Variants in NRXN1 observed in about 807,000 individuals in gnomAD.
NRXN1 encodes the protein neurexin-1.
A neutral mutation model predicts 150.9 loss-of-function variants in NRXN1; 39 were observed. The observed-to-expected ratio is 0.26, with a 90% CI of 0.20 to 0.34. NRXN1 has a LOEUF of 0.34. Among genes scored for constraint, NRXN1 ranks in the 10% least tolerant of loss-of-function variants. The pLI, the probability that NRXN1 is intolerant of heterozygous loss-of-function variation, is 1.00. For missense variants in NRXN1, 1,815 were observed against 1,949.9 expected (o/e 0.93, Z 1.30); for synonymous variants, 924 against 757.0 (o/e 1.22, Z -3.62).
chr2:50,140,909 T>C (rs1002609914), intron 18 of NRXN1, among the ~76,000 whole-genome samples: 1 of 151,354 alleles, frequency 6.6e-6, no homozygotes, highest in Non-Finnish European at 1.5e-5. Flanking sequence ...TGTGTGTGTA[T>C]ATATATATAT....
chr2:50,245,207 T>C (rs936234738), intron 17 of NRXN1, among the ~76,000 whole-genome samples: 12 of 151,932 alleles, frequency 7.9e-5, no homozygotes, highest in Admixed American at 7.9e-4. Context: ...GAGATCAAAT[T>C]CAAAGTCCTG....
At chr2:50,660,313 T>C (rs1288162543) in intron 5 of NRXN1, among the ~76,000 whole-genome samples, 4 of 152,048 alleles carry the variant, frequency 2.6e-5, no homozygotes, top group Non-Finnish European at 5.9e-5. Flanking sequence ...CCTTGAAGTC[T>C]GTCTGTCTGC....
intron 18 of NRXN1, among the ~76,000 whole-genome samples, chr2:50,130,890 G>T (rs1558940630): frequency 6.6e-6 from 1 of 152,150 alleles, no homozygotes; most frequent in Non-Finnish European, 1.5e-5. Flanking sequence ...CAGGGACTTG[G>T]AAGGCCAATT....
At chr2:50,933,328 G>T (rs1231505336) in intron 2 of NRXN1, among the ~76,000 whole-genome samples, 1 of 152,030 alleles carries the variant, frequency 6.6e-6, no homozygotes, top group Non-Finnish European at 1.5e-5. Flanking sequence ...TTATGAATTT[G>T]CCACATAAAA....
intron 5 of NRXN1, among the ~76,000 whole-genome samples, chr2:50,659,313 G>T (rs1340577950): frequency 2.6e-5 from 4 of 151,974 alleles, no homozygotes; most frequent in Non-Finnish European, 5.9e-5. Flanking sequence ...ACCTCATTAT[G>T]TTTAATATAT....
chr2:50,145,977 T>C (rs769244445), intron 18 of NRXN1, among the ~76,000 whole-genome samples: 11 of 151,432 alleles, frequency 7.3e-5, no homozygotes, highest in South Asian at 2.1e-4. Flanking sequence ...AAAAAAAAAA[T>C]TCATTAGTTT....
chr2:50,419,590 G>C (rs2083810033), intron 17 of NRXN1, among the ~76,000 whole-genome samples: 1 of 151,754 alleles, frequency 6.6e-6, no homozygotes, highest in South Asian at 2.1e-4. Context: ...AGGAAGGGAG[G>C]CAATAAGGAA....
At chr2:50,869,364 C>T (rs911325532) in intron 5 of NRXN1, among the ~76,000 whole-genome samples, 8 of 151,462 alleles carry the variant, frequency 5.3e-5, no homozygotes, top group Non-Finnish European at 7.4e-5. Context: ...ACTATTGCTG[C>T]TACTACTGTA....
chr2:50,117,606 C>T (rs1376441324), intron 18 of NRXN1, among the ~76,000 whole-genome samples: 1 of 151,942 alleles, frequency 6.6e-6, no homozygotes, highest in African/African-American at 2.4e-5. Context: ...ATGAATACAC[C>T]TTCTAGCAAA....
At chr2:50,368,371 G>A (rs2079756756) in intron 17 of NRXN1, among the ~76,000 whole-genome samples, 1 of 151,950 alleles carries the variant, frequency 6.6e-6, no homozygotes, top group African/African-American at 2.4e-5. Context: ...CATAAGCACA[G>A]TATGAGGAAG....
At chr2:50,356,804 A>G (rs2078849587) in intron 17 of NRXN1, among the ~76,000 whole-genome samples, 1 of 152,194 alleles carries the variant, frequency 6.6e-6, no homozygotes, top group African/African-American at 2.4e-5. Context: ...TATTAAAACA[A>G]AGCATATCTG....
At chr2:50,499,884 G>T (rs1235872698) in intron 13 of NRXN1, among the ~76,000 whole-genome samples, 1 of 147,850 alleles carries the variant, frequency 6.8e-6, no homozygotes, top group Non-Finnish European at 1.5e-5. Flanking sequence ...GGAGGCGGAG[G>T]TTGCAGTGAG....
intron 5 of NRXN1, among the ~76,000 whole-genome samples, chr2:50,834,247 T>C (rs1451952206): frequency 6.6e-6 from 1 of 152,186 alleles, no homozygotes; most frequent in Non-Finnish European, 1.5e-5. Context: ...AGATTCTCTG[T>C]AATCAACTGT....
At chr2:50,411,343 G>A (rs2104082977) in intron 17 of NRXN1, among the ~76,000 whole-genome samples, 1 of 152,288 alleles carries the variant, frequency 6.6e-6, no homozygotes, top group South Asian at 2.1e-4. Context: ...TGTTGCCCAG[G>A]CTGGAGTGCA....
Position 50,852,831 on chromosome 2 carries a change from T to C in NRXN1, c.832+69038A>G, listed in dbSNP as rs577045043. Among the ~76,000 whole-genome samples, 3 of 152,258 alleles carry C rather than the reference T, an allele frequency of 2.0e-5. No homozygotes were observed. The South Asian group carries it at 6.2e-4, about 32-fold the overall frequency. On this transcript the variant is annotated intron_variant, in intron 5 of 22. Transcript: ENST00000401669. ...ATTTAAGAAAATGTTCATCTGAATA[T>C]CACCTAAAATCAACTGGCATACACA...
intron 17 of NRXN1, among the ~76,000 whole-genome samples, chr2:50,425,407 G>C (rs533795770): frequency 5.2e-4 from 79 of 152,224 alleles, no homozygotes; most frequent in East Asian, 5.8e-4. Context: ...CAAGCTTCCT[G>C]TCTTACAACT....
At chr2:50,298,238 T>TA (rs2073812331) in intron 17 of NRXN1, among the ~76,000 whole-genome samples, 1 of 152,260 alleles carries the variant, frequency 6.6e-6, no homozygotes, top group African/African-American at 2.4e-5. Flanking sequence ...ATTATTTTTT[T>TA]AAGGCACAGA....
At chr2:50,765,649 G>A (rs918263155) in intron 5 of NRXN1, among the ~76,000 whole-genome samples, 1 of 152,052 alleles carries the variant, frequency 6.6e-6, no homozygotes. Flanking sequence ...CCGCAACATA[G>A]TCAATTTGAA....
intron 5 of NRXN1, among the ~76,000 whole-genome samples, chr2:50,849,946 C>T (rs1402031295): frequency 6.6e-6 from 1 of 152,010 alleles, no homozygotes; most frequent in African/African-American, 2.4e-5. Flanking sequence ...GTGCTCATAC[C>T]TGTAATCCCA....
Sources: allele counts gnomAD v4.1 joint callset (sites outside exome capture counted in the v4.1 genomes callset), GRCh38; gene constraint gnomAD v4.1.1; transcripts MANE v1.5; gene names NCBI Gene and HGNC (gene_info 2026-07-23, HGNC 2026-07-21).